EXT1: variants seen among roughly 807,000 people sequenced by gnomAD.
EXT1 encodes exostosin-1.
A neutral mutation model predicts 82.5 loss-of-function variants in EXT1; 20 were observed. The ratio of observed to expected loss-of-function variants is 0.24; its 90% CI spans 0.17 to 0.35. The LOEUF (loss-of-function observed/expected upper bound fraction) is 0.35. Among genes scored for constraint, EXT1 ranks in the 10% least tolerant of loss-of-function variants. EXT1 has a pLI of 1.00. For synonymous variants in EXT1, 348 were observed against 350.8 expected (o/e 0.99, Z 0.09); for missense variants, 757 against 936.5 (o/e 0.81, Z 2.50).
At chr8:118,072,620 C>T (rs1029300352) in intron 1 of EXT1, among the ~76,000 whole-genome samples, 6 of 152,122 alleles carry the variant, frequency 3.9e-5, no homozygotes, top group Admixed American at 3.9e-4. Context: ...AGGATGAGAT[C>T]GAAAGCAATG....
At chr8:117,860,146 CAAAAAAAAAAAAAAAA>C (rs34399339) in intron 1 of EXT1, among the ~76,000 whole-genome samples, 5 of 76,896 alleles carry the variant, frequency 6.5e-5, no homozygotes, top group Non-Finnish European at 1.1e-4. Context: ...GATTCTATCT[CAAAAAAAAAAAAAAAA>C]AAAAAAAATG....
chr8:117,939,323 A>C (rs1310467483), intron 1 of EXT1, among the ~76,000 whole-genome samples: 3 of 152,294 alleles, frequency 2.0e-5, no homozygotes, highest in Non-Finnish European at 4.4e-5. Flanking sequence ...TCATGCCAGC[A>C]CTTTGGGCGG....
intron 1 of EXT1, among the ~76,000 whole-genome samples, chr8:117,969,904 T>G (rs1333833788): frequency 2.0e-5 from 3 of 152,192 alleles, no homozygotes; most frequent in Non-Finnish European, 4.4e-5. Context: ...AGGATTGAAA[T>G]GGATCCAAGT....
chr8:117,897,173 A>G (rs1241058365), intron 1 of EXT1, among the ~76,000 whole-genome samples: 1 of 152,212 alleles, frequency 6.6e-6, no homozygotes, highest in Admixed American at 6.5e-5. Context: ...TGTTCTGTCC[A>G]TACTAGCTGC....
intron 1 of EXT1, among the ~76,000 whole-genome samples, chr8:117,932,507 C>T (rs187249330): frequency 9.2e-5 from 14 of 152,228 alleles, no homozygotes; most frequent in East Asian, 7.7e-4. Flanking sequence ...GAGGCTGTTA[C>T]GTAAAAATGG....
intron 1 of EXT1, among the ~76,000 whole-genome samples, chr8:117,981,144 C>T (rs1482837618): frequency 6.6e-6 from 1 of 152,134 alleles, no homozygotes; most frequent in African/African-American, 2.4e-5. Flanking sequence ...AAAATGTGTA[C>T]GGACATCAAA....
chr8:117,839,146 C>T (rs973923562), intron 1 of EXT1, among the ~76,000 whole-genome samples: 13 of 152,192 alleles, frequency 8.5e-5, no homozygotes, highest in African/African-American at 2.9e-4. Context: ...TTGACATGAT[C>T]GAAGCTTGTA....
chr8:117,894,467 C>T (rs184330628), intron 1 of EXT1, among the ~76,000 whole-genome samples: 8 of 152,250 alleles, frequency 5.3e-5, no homozygotes, highest in East Asian at 1.9e-4. Context: ...TACTTCACAA[C>T]GCTGTTATAA....
chr8:117,827,082 T>C (rs1812018551), intron 4 of EXT1, among the ~76,000 whole-genome samples: 1 of 152,222 alleles, frequency 6.6e-6, no homozygotes, highest in South Asian at 2.1e-4. Flanking sequence ...TATGGATCTG[T>C]AAGACTGACA....
chr8:117,961,630 T>C (rs1175083161), intron 1 of EXT1, among the ~76,000 whole-genome samples: 2 of 152,250 alleles, frequency 1.3e-5, no homozygotes, highest in African/African-American at 2.4e-5. Context: ...CGTGCACTTA[T>C]TTCAAGAATT....
intron 1 of EXT1, among the ~76,000 whole-genome samples, chr8:118,019,852 A>G (rs1427003506): frequency 6.6e-6 from 1 of 152,220 alleles, no homozygotes; most frequent in Non-Finnish European, 1.5e-5. Context: ...GCCACCAGGA[A>G]CACTGCCTTT....
At chr8:117,966,276 C>T (rs1226229561) in intron 1 of EXT1, among the ~76,000 whole-genome samples, 2 of 152,162 alleles carry the variant, frequency 1.3e-5, no homozygotes, top group African/African-American at 2.4e-5. Flanking sequence ...GTGTGTATTA[C>T]GACAGGATTC....
chr8:117,965,020 T>A (rs759711056), intron 1 of EXT1, among the ~76,000 whole-genome samples: 2 of 152,152 alleles, frequency 1.3e-5, no homozygotes, highest in Non-Finnish European at 2.9e-5. Context: ...TCAATAAATA[T>A]TTGTTGAAAA....
At chr8:118,049,564 G>A (rs537665815) in intron 1 of EXT1, among the ~76,000 whole-genome samples, 11 of 152,046 alleles carry the variant, frequency 7.2e-5, no homozygotes, top group African/African-American at 4.8e-5. Context: ...TCCCTGGCAC[G>A]GTCTATTTGA....
At chr8:117,996,369 T>A (rs916821641) in intron 1 of EXT1, among the ~76,000 whole-genome samples, 2 of 152,234 alleles carry the variant, frequency 1.3e-5, no homozygotes, top group South Asian at 4.1e-4. Context: ...TTCAATTCTA[T>A]AATGGCACTA....
At chr8:118,045,180 C>T (rs1304174264) in intron 1 of EXT1, among the ~76,000 whole-genome samples, 1 of 152,104 alleles carries the variant, frequency 6.6e-6, no homozygotes, top group East Asian at 1.9e-4. Flanking sequence ...TCGAGCCCAG[C>T]GTTAGTAAAT....
intron 1 of EXT1, among the ~76,000 whole-genome samples, chr8:117,897,592 T>TC (rs1491292091): frequency 3.4e-4 from 4 of 11,730 alleles, no homozygotes; most frequent in Non-Finnish European, 6.9e-4. Flanking sequence ...TTCTTTTCTC[T>TC]TTTTTTTTTT....
chr8:118,002,528 CTTTTTT>C (rs60354141), intron 1 of EXT1, among the ~76,000 whole-genome samples: 1 of 87,096 alleles, frequency 1.1e-5, no homozygotes, highest in African/African-American at 4.7e-5. Flanking sequence ...GAATATTTTT[CTTTTTT>C]TTTTTTTTTT....
chr8:117,877,060 G>A (rs1586258462), intron 1 of EXT1, among the ~76,000 whole-genome samples: 1 of 152,296 alleles, frequency 6.6e-6, no homozygotes, highest in Non-Finnish European at 1.5e-5. Flanking sequence ...ATGTCACAGA[G>A]GCGTGATTAA....
Sources: gnomAD v4.1 joint callset for allele counts (sites outside exome capture counted in the v4.1 genomes callset) on GRCh38, gnomAD v4.1.1 for gene constraint, MANE v1.5 for transcripts, NCBI Gene and HGNC (gene_info 2026-07-23, HGNC 2026-07-21) for gene names.